UTRN: variants seen among roughly 807,000 people sequenced by gnomAD.
The protein encoded by UTRN is dystrophin-related protein 1.
A neutral mutation model predicts 463.9 loss-of-function variants in UTRN; 283 were observed. The ratio of observed to expected loss-of-function variants is 0.61; its 90% CI spans 0.55 to 0.67. The LOEUF is 0.67. Among genes scored for constraint, UTRN ranks in the 30% least tolerant of loss-of-function variants. The pLI is 0.00. For synonymous variants in UTRN, 1,442 were observed against 1,431.5 expected, an observed-to-expected ratio of 1.01 and a Z score of -0.17; for missense variants, 3,922 against 4,084.3, an observed-to-expected ratio of 0.96 and a Z score of 1.08.
chr6:144,490,087 T>G lies in UTRN; in HGVS notation c.4151T>G (p.Ile1384Ser), dbSNP rs765413665. The G allele has an allele frequency of 4.3e-6, 7 of 1,610,968 alleles. No homozygotes were observed. Among genetic ancestry groups the G allele is most frequent in the Non-Finnish European group, 5.9e-6 (7 of 1,179,066 alleles). The change falls in exon 31 of 75, where the codon ATC becomes AGC. Residue 1384 changes from isoleucine (I) to serine (S), a missense_variant. Ile to Ser is a moderately radical substitution (Grantham distance 142). Transcript: ENST00000367545. ...TCTTTTTAGAAAATCCAAGCAGAGA[T>G]CTCAGCCCATGAGCTAACCCTAGAG... ...PQEAQKIQAE[I>S]SAHELTLEEL... is the part of the protein sequence containing the mutation.
At chr6:144,519,330 A>T (rs577272200) in intron 39 of UTRN, among the ~76,000 whole-genome samples, 78 of 152,220 alleles carry the variant, frequency 5.1e-4, no homozygotes, top group African/African-American at 1.8e-3. Flanking sequence ...AAAAGTTTTC[A>T]TCCTCCAGAA....
chr6:144,624,846 G>A (rs946226737), intron 51 of UTRN, among the ~76,000 whole-genome samples: 5 of 152,192 alleles, frequency 3.3e-5, no homozygotes, highest in African/African-American at 9.7e-5. Flanking sequence ...GAGGCAGTGA[G>A]TCTAGATCGT....
chr6:144,612,368 A>T (rs1164393557), intron 51 of UTRN, among the ~76,000 whole-genome samples: 1 of 152,114 alleles, frequency 6.6e-6, no homozygotes, highest in Non-Finnish European at 1.5e-5. Context: ...AATGGGATTG[A>T]ATCAAACTAA....
intron 50 of UTRN, among the ~76,000 whole-genome samples, chr6:144,562,044 T>A (rs1799973773): frequency 6.6e-6 from 1 of 152,116 alleles, no homozygotes; most frequent in Non-Finnish European, 1.5e-5. Flanking sequence ...TATTAACAGA[T>A]GAAATTTCTT....
intron 46 of UTRN, among the ~76,000 whole-genome samples, chr6:144,543,284 G>T (rs1391934711): frequency 2.6e-5 from 4 of 152,198 alleles, no homozygotes; most frequent in Admixed American, 2.6e-4. Flanking sequence ...GAGAACAAAA[G>T]GCTTAGATAT....
chr6:144,757,858 A>T, intron 57 of UTRN, 71 bp from the exon 58 acceptor site: 1 of 1,370,410 alleles, frequency 7.3e-7, no homozygotes, highest in South Asian at 1.3e-5. Flanking sequence ...TAAAATGTTC[A>T]GTTGTTTTGC....
chr6:144,496,173 A>G (rs1793624875), intron 33 of UTRN, among the ~76,000 whole-genome samples: 1 of 152,244 alleles, frequency 6.6e-6, no homozygotes, highest in Non-Finnish European at 1.5e-5. Context: ...CTTAATAGGT[A>G]ATATTGAAAA....
In UTRN at chr6:144,661,234, A is replaced by C. The variant is rs77746216; in HGVS notation, c.7480-17172A>C. Among the ~76,000 whole-genome samples, 407 of 152,332 alleles carry C rather than the reference A, an allele frequency of 2.7e-3. 14 individuals carry two copies. In the East Asian group the frequency reaches 0.056, roughly 21 times the overall value. On this transcript the variant is annotated intron_variant, in intron 51 of 74. Coordinates refer to ENST00000367545, the MANE Select transcript of UTRN (RefSeq NM_007124.3). ...AAAGAATAATGGGCTTTTTCTTACA[A>C]ACCACAATTGCCAGAGGGAAAAGAT...
At chr6:144,659,411 C>A (rs1005910537) in intron 51 of UTRN, among the ~76,000 whole-genome samples, 2 of 152,176 alleles carry the variant, frequency 1.3e-5, no homozygotes, top group East Asian at 1.9e-4. Context: ...AGGCTGCTCT[C>A]CCCTGCCACA....
At chr6:144,745,225 T>C (rs1014727849) in intron 54 of UTRN, among the ~76,000 whole-genome samples, 6 of 152,208 alleles carry the variant, frequency 3.9e-5, no homozygotes, top group African/African-American at 1.4e-4. Flanking sequence ...ATTTGTCCTT[T>C]GATTTTCAAA....
At chr6:144,314,326 C>G (rs763939719) in intron 2 of UTRN, among the ~76,000 whole-genome samples, 2 of 152,170 alleles carry the variant, frequency 1.3e-5, no homozygotes, top group African/African-American at 2.4e-5. Flanking sequence ...GTCTGCTCAG[C>G]CTTTTAGCTC....
At chr6:144,505,692 A>T (rs531971752) in intron 34 of UTRN, among the ~76,000 whole-genome samples, 1 of 152,184 alleles carries the variant, frequency 6.6e-6, no homozygotes. Flanking sequence ...CAATTTTAGA[A>T]TAAGTGCTAT....
chr6:144,783,847 A>G (rs1776072429), intron 61 of UTRN, among the ~76,000 whole-genome samples: 2 of 152,210 alleles, frequency 1.3e-5, no homozygotes, highest in African/African-American at 4.8e-5. Flanking sequence ...AAACCTGCTG[A>G]AGCATGAGTC....
intron 2 of UTRN, among the ~76,000 whole-genome samples, chr6:144,323,902 C>T (rs1272972308): frequency 1.3e-5 from 2 of 152,160 alleles, no homozygotes; most frequent in Non-Finnish European, 2.9e-5. Flanking sequence ...CAATTTTACT[C>T]GGTTTTGTGG....
intron 2 of UTRN, among the ~76,000 whole-genome samples, chr6:144,318,562 C>T (rs946060621): frequency 1.3e-5 from 2 of 152,098 alleles, no homozygotes; most frequent in Admixed American, 1.3e-4. Context: ...CTCCCGGGTT[C>T]AGGTGATCCT....
chr6:144,710,456 A>G (rs1312831796), intron 53 of UTRN, among the ~76,000 whole-genome samples: 1 of 152,222 alleles, frequency 6.6e-6, no homozygotes, highest in East Asian at 1.9e-4. Context: ...ACAGATTGGC[A>G]TCCTTTCCTT....
At chr6:144,448,063 GAATT>G (rs1787869157) in intron 16 of UTRN, among the ~76,000 whole-genome samples, 1 of 151,970 alleles carries the variant, frequency 6.6e-6, no homozygotes, top group South Asian at 2.1e-4. Flanking sequence ...ATATTTTAAT[GAATT>G]AGTCAAACAT....
At chr6:144,492,398 C>T (rs1393220880) in intron 32 of UTRN, among the ~76,000 whole-genome samples, 5 of 152,084 alleles carry the variant, frequency 3.3e-5, no homozygotes, top group East Asian at 1.9e-4. Context: ...ATTTGTACCA[C>T]GTTTTCTTTA....
intron 69 of UTRN, among the ~76,000 whole-genome samples, chr6:144,835,500 T>C (rs1266026490): frequency 6.6e-6 from 1 of 152,210 alleles, no homozygotes; most frequent in Non-Finnish European, 1.5e-5. Flanking sequence ...ATGCTGTTCC[T>C]TATTTTTGTT....
Sources: allele counts gnomAD v4.1 joint callset (sites outside exome capture counted in the v4.1 genomes callset), GRCh38; gene constraint gnomAD v4.1.1; transcripts MANE v1.5; gene names NCBI Gene and HGNC (gene_info 2026-07-23, HGNC 2026-07-21).